Variants in SEPTIN11 observed in about 807,000 individuals in gnomAD.
The protein encoded by SEPTIN11 is septin 11.
SEPTIN11 carries 25 observed loss-of-function variants against 51.4 expected under a neutral mutation model. That is an observed-to-expected ratio of 0.49 (90% CI 0.35 to 0.68). SEPTIN11 has a LOEUF of 0.68. Ranked by LOEUF, SEPTIN11 falls within the 30% of genes least tolerant of loss-of-function variation. The probability of loss-of-function intolerance (pLI) is 0.00; values close to 1 mark genes in which losing one functional copy is unlikely to be tolerated. For synonymous variants in SEPTIN11, 174 were observed against 184.1 expected, an observed-to-expected ratio of 0.95 and a Z score of 0.44; for missense variants, 381 against 520.8, an observed-to-expected ratio of 0.73 and a Z score of 2.61.
At position 77,024,288 on chromosome 4, in the gene SEPTIN11, G is replaced by A. The variant is rs1216235880; in HGVS notation, c.953+3618G>A. On this transcript the variant is annotated intron_variant, in intron 7 of 9. Transcript: ENST00000264893. This position sits in a 1 kb window ranked among gnomAD's most constrained non-coding sequence, Gnocchi z 4.2. ...TCTTTATTGTCTTGTGGCAGAATAT[G>A]TATATAACCAGACATTCATCTGCTC... is the stretch of plus-strand genomic sequence containing the variant. 6.6e-6 allele frequency among the ~76,000 whole-genome samples: 1 copy of A among 152,042 alleles called. No individual in the cohort carries two copies. The highest frequency in any genetic ancestry group is 1.5e-5 in the Non-Finnish European group (1 of 68,010).
At chr4:77,038,971 A>G (rs908905389), downstream of SEPTIN11, 6 of 753,662 alleles carry the variant, frequency 8.0e-6, no homozygotes, top group African/African-American at 1.1e-4. Context: ...TAACTGACAC[A>G]CTGCTGTTCT....
In SEPTIN11 at chr4:76,984,023, G is replaced by T. The variant is rs1274480822; in HGVS notation, c.28-12402G>T. ...CTCCATTTCAGGGAAAAAAAGAAAA[G>T]AAAAAAAGAACTCTTAGGAAGACTT... On this transcript the variant is annotated intron_variant, in intron 1 of 9. Transcript: ENST00000264893. This position sits in a 1 kb window ranked among gnomAD's most constrained non-coding sequence, Gnocchi z 4.1. Among the ~76,000 whole-genome samples, 1 of 151,916 alleles carries T rather than the reference G, an allele frequency of 6.6e-6. No homozygotes were observed. The highest frequency in any genetic ancestry group is 1.9e-4 in the East Asian group (1 of 5,180).
intron 8 of SEPTIN11, among the ~76,000 whole-genome samples, chr4:77,029,734 A>T (rs946748569): frequency 2.0e-5 from 3 of 151,910 alleles, no homozygotes; most frequent in African/African-American, 7.3e-5. Context: ...CACATTATTT[A>T]AGTAGCTAAT....
chr4:76,992,827 A>G (rs1021084878), intron 1 of SEPTIN11, among the ~76,000 whole-genome samples: 2 of 152,256 alleles, frequency 1.3e-5, no homozygotes, highest in Non-Finnish European at 2.9e-5. Context: ...GGCCTTTCAC[A>G]TAGAGGAAAT....
chr4:77,002,673 G>A (rs1724198019), intron 2 of SEPTIN11, among the ~76,000 whole-genome samples: 1 of 152,018 alleles, frequency 6.6e-6, no homozygotes, highest in Admixed American at 6.5e-5. Context: ...TTTGCTCAAA[G>A]TTAATTTGTT....
At chr4:76,953,837 G>A (rs1293375718) in intron 1 of SEPTIN11, among the ~76,000 whole-genome samples, 1 of 152,126 alleles carries the variant, frequency 6.6e-6, no homozygotes, top group African/African-American at 2.4e-5. Context: ...CTACATTACA[G>A]TGAAAAGGAG....
chr4:77,033,026 C>G (rs1329276804), intron 9 of SEPTIN11, among the ~76,000 whole-genome samples: 14 of 152,152 alleles, frequency 9.2e-5, no homozygotes, highest in Non-Finnish European at 4.4e-5. Flanking sequence ...TAATTTGGTT[C>G]AGAGTAGTCG....
At chr4:76,955,488 A>G (rs1009091543) in intron 1 of SEPTIN11, among the ~76,000 whole-genome samples, 1 of 152,178 alleles carries the variant, frequency 6.6e-6, no homozygotes, top group African/African-American at 2.4e-5. Context: ...TGGACAGACA[A>G]GAGGCTGAGG....
At chr4:76,955,771 C>A (rs776507518) in intron 1 of SEPTIN11, among the ~76,000 whole-genome samples, 2 of 152,134 alleles carry the variant, frequency 1.3e-5, no homozygotes, top group African/African-American at 2.4e-5. Context: ...ACAGAGGACA[C>A]AGAGAAGGAG....
At chr4:76,952,077 T>C (rs1721372299) in intron 1 of SEPTIN11, among the ~76,000 whole-genome samples, 3 of 152,244 alleles carry the variant, frequency 2.0e-5, no homozygotes, top group Admixed American at 1.3e-4. Context: ...TGTGATCACA[T>C]TTCACAGATA....
At chr4:77,022,714 T>A (rs775712875) in intron 7 of SEPTIN11, among the ~76,000 whole-genome samples, 4 of 152,234 alleles carry the variant, frequency 2.6e-5, no homozygotes, top group Non-Finnish European at 4.4e-5. Flanking sequence ...CTTCTTGAGT[T>A]TGTTAGAGGT....
chr4:76,952,680 G>A (rs1721396747), intron 1 of SEPTIN11, among the ~76,000 whole-genome samples: 1 of 152,162 alleles, frequency 6.6e-6, no homozygotes, highest in African/African-American at 2.4e-5. Flanking sequence ...GTGTGATACT[G>A]TTTATTTCAG....
rs1283879858 is a variant in SEPTIN11 at position 76,950,041 on chromosome 4, G to GCGGCGGCGA, written c.27+116_27+117insGCGACGGCG. 10 of 1,172,752 alleles carry GCGGCGGCGA rather than the reference G, an allele frequency of 8.5e-6. No individual in the cohort carries two copies. In the East Asian group the frequency reaches 2.6e-4, roughly 30 times the overall value. The allele number at this position is 1,172,752 out of a possible 1,614,324, so 72.6% of individuals were successfully genotyped here. A position where few individuals can be genotyped will look rare whatever the true frequency, so the allele number is the denominator to read the frequency against. Reference sequence around the variant, plus strand: ...CGGGCGGGTGCTCGGCCCCGCGGCGGCGGCGACGGCTGTGGGTGTGTGCAC... The same window carrying GCGGCGGCGA: ...CGGGCGGGTGCTCGGCCCCGCGGCGGCGGCGGCGACGGCGACGGCTGTGGGTGTGTGCAC... On this transcript the variant is annotated intron_variant, in intron 1 of 9. Coordinates refer to ENST00000264893, the MANE Select transcript of SEPTIN11 (RefSeq NM_018243.4).
intron 2 of SEPTIN11, among the ~76,000 whole-genome samples, chr4:76,999,819 G>A (rs923063202): frequency 6.6e-6 from 1 of 152,168 alleles, no homozygotes; most frequent in African/African-American, 2.4e-5. Flanking sequence ...GATGTTAAAT[G>A]AGATAACAGA....
chr4:76,996,488 C>T lies in SEPTIN11; in HGVS notation c.91C>T (p.Leu31=). Residue 31 remains leucine (L), a synonymous_variant, in exon 2 of 10, where the codon CTG becomes TTG. Coordinates refer to ENST00000264893, the MANE Select transcript of SEPTIN11 (RefSeq NM_018243.4). Reference sequence around the variant, plus strand: ...GGGATTTGACAGCCTCCCTGACCAGCTGGTCAACAAGTCTACTTCTCAAGG... The same window carrying T: ...GGGATTTGACAGCCTCCCTGACCAGTTGGTCAACAAGTCTACTTCTCAAGG... ...HVGFDSLPDQ[L]VNKSTSQGFC... 2 of 1,614,122 alleles carry T rather than the reference C, an allele frequency of 1.2e-6. No homozygotes were observed. Among genetic ancestry groups the T allele is most frequent in the Non-Finnish European group, 1.7e-6 (2 of 1,179,966 alleles).
chr4:77,029,761 T>C (rs1490267862), intron 8 of SEPTIN11, among the ~76,000 whole-genome samples: 2 of 148,756 alleles, frequency 1.3e-5, no homozygotes, highest in East Asian at 4.0e-4. Context: ...TGCATATATA[T>C]ATATATACAC....
chr4:77,002,997 T>A (rs1484813531), intron 2 of SEPTIN11, among the ~76,000 whole-genome samples: 1 of 152,230 alleles, frequency 6.6e-6, no homozygotes, highest in Non-Finnish European at 1.5e-5. Context: ...ACCCCATCTA[T>A]CTGCTCTTTC....
At position 77,036,320 on chromosome 4, in the gene SEPTIN11, G is replaced by A; in HGVS notation, c.*1808G>A. On this transcript the variant is annotated 3_prime_UTR_variant, in exon 10 of 10. Transcript: ENST00000264893. ...CTAGTCTGGAGCTAACTGTGGAGCA[G>A]CCAAATAGTAGCTGGCATGTTGATT... The A allele has an allele frequency of 9.7e-7, 1 of 1,034,114 alleles. No individual in the cohort carries two copies. Among genetic ancestry groups the A allele is most frequent in the South Asian group, 3.3e-5 (1 of 29,908 alleles). The allele number at this position is 1,034,114 out of a possible 1,614,324, so 64.1% of individuals were successfully genotyped here. A position where few individuals can be genotyped will look rare whatever the true frequency, so the allele number is the denominator to read the frequency against.
rs1204820192 is a variant in SEPTIN11 at position 77,028,633 on chromosome 4, C to G, written c.958C>G (p.Gln320Glu). ...TDPDSKPFSLQETYEAKRNEF... is the reference protein window; with the variant it reads ...TDPDSKPFSLEETYEAKRNEF... ...TCGTTTGTGGATTTTCAATAGTCTT[C>G]AGGAGACATATGAAGCAAAAAGGAA... The change falls in exon 8 of 10, where the codon CAG (glutamine) becomes GAG (glutamate). Residue 320 changes from glutamine to glutamate, a missense_variant. Gln to Glu is a conservative substitution (Grantham distance 29). Transcript: ENST00000264893. 6.2e-7 allele frequency: 1 copy of G among 1,608,866 alleles called. No homozygotes were observed. The highest frequency in any genetic ancestry group is 2.2e-5 in the East Asian group (1 of 44,706).
Sources: allele counts gnomAD v4.1 joint callset (sites outside exome capture counted in the v4.1 genomes callset), GRCh38; gene constraint gnomAD v4.1.1; non-coding constraint Gnocchi (gnomAD v3.1); transcripts MANE v1.5; gene names NCBI Gene and HGNC (gene_info 2026-07-23, HGNC 2026-07-21).